Variants in MAP3K1 observed in about 807,000 individuals in gnomAD.
The protein encoded by MAP3K1 is MAP/ERK kinase kinase 1.
MAP3K1 carries 36 observed loss-of-function variants against 144.2 expected under a neutral mutation model. That is an observed-to-expected ratio of 0.25 (90% confidence interval 0.19 to 0.33). The LOEUF is 0.33. Ranked by LOEUF, MAP3K1 falls within the 10% of genes least tolerant of loss-of-function variation. The probability of loss-of-function intolerance (pLI) is 1.00; values close to 1 mark genes in which losing one functional copy is unlikely to be tolerated. For synonymous variants in MAP3K1, 718 were observed against 688.7 expected (o/e 1.04, Z -0.67); for missense variants, 1,650 against 1,881.9 (o/e 0.88, Z 2.28).
chr5:56,824,448 T>C (rs1399045976), intron 1 of MAP3K1, among the ~76,000 whole-genome samples: 1 of 152,194 alleles, frequency 6.6e-6, no homozygotes, highest in African/African-American at 2.4e-5. Flanking sequence ...GGGGTGGCGG[T>C]GTGAGTCCTG....
At chr5:56,817,106 GT>G in intron 1 of MAP3K1, 2 of 985,386 alleles carry the variant, frequency 2.0e-6, no homozygotes, top group Non-Finnish European at 2.4e-6. Flanking sequence ...ATGAAGTACA[GT>G]ATGTGTAAGG....
At chr5:56,850,081 C>T (rs907238469) in intron 1 of MAP3K1, among the ~76,000 whole-genome samples, 2 of 152,156 alleles carry the variant, frequency 1.3e-5, no homozygotes, top group Non-Finnish European at 2.9e-5. Flanking sequence ...TCTCCCTATC[C>T]TCAGTTTAAG....
At chr5:56,875,861 TCAA>T (rs1169534765) in intron 10 of MAP3K1, among the ~76,000 whole-genome samples, 14 of 152,304 alleles carry the variant, frequency 9.2e-5, no homozygotes, top group East Asian at 1.9e-4. Context: ...GGCAGAGTCA[TCAA>T]CGTTATTCTG....
Position 56,856,721 on chromosome 5 carries a change from T to C in MAP3K1, c.604T>C (p.Leu202=). 1 of 1,613,820 alleles carries C rather than the reference T, an allele frequency of 6.2e-7. No homozygotes were observed. The highest frequency in any genetic ancestry group is 1.3e-5 in the African/African-American group (1 of 74,954). The change falls in exon 2 of 20, where the codon TTG becomes CTG. Residue 202 remains leucine (L), a synonymous_variant. Transcript: ENST00000399503. The part of the protein sequence containing the change: ...TCMPAWKHEW[L]ERRNRRGPVV... ...TATGCCAGCCTGGAAGCACGAATGG[T>C]TGGAAAGGAGAAATAGGCGAGGGCC...
intron 1 of MAP3K1, among the ~76,000 whole-genome samples, chr5:56,841,283 G>A (rs769312638): frequency 9.9e-5 from 15 of 151,470 alleles, no homozygotes; most frequent in South Asian, 2.1e-4. Flanking sequence ...TTTCTCGAAT[G>A]TTCTGCTTGA....
chr5:56,865,361 A>G lies in MAP3K1; in HGVS notation c.1057A>G (p.Thr353Ala). 2 of 1,609,930 alleles carry G rather than the reference A, an allele frequency of 1.2e-6. No individual in the cohort carries two copies. Among genetic ancestry groups the G allele is most frequent in the Non-Finnish European group, 1.7e-6 (2 of 1,176,252 alleles). The change falls in exon 5 of 20, where the codon ACA (threonine) becomes GCA (alanine). Residue 353 changes from threonine (T) to alanine (A), a missense_variant. Physicochemically the swap from Thr to Ala is moderately conservative, Grantham distance 58. Coordinates refer to ENST00000399503, the MANE Select transcript of MAP3K1 (RefSeq NM_005921.2). ...TTAGAACTGCAGCTGTGCACGTGGA[A>G]CATTCTGTATTCATCTGCTATTTGT... is the stretch of plus-strand genomic sequence containing the variant. ...GPQNCSCARG[T>A]FCIHLLFVML...
intron 1 of MAP3K1, among the ~76,000 whole-genome samples, chr5:56,848,234 A>T (rs1233947623): frequency 6.6e-6 from 1 of 152,206 alleles, no homozygotes; most frequent in Non-Finnish European, 1.5e-5. Flanking sequence ...CTAATTTGGA[A>T]GTAATAAAAA....
Position 56,881,281 on chromosome 5 carries a change from T to C in MAP3K1, c.2369+9T>C. On this transcript the variant is annotated intron_variant, in intron 13 of 19. Coordinates refer to ENST00000399503, the MANE Select transcript of MAP3K1 (RefSeq NM_005921.2). ...GAGCCTGTTGAAATCAGGTAATTTT[T>C]CTTCTGAAAATGTATTACTTGTATC... is the stretch of plus-strand genomic sequence containing the variant. 2 of 1,609,274 alleles carry C rather than the reference T, an allele frequency of 1.2e-6. No homozygotes were observed. The highest frequency in any genetic ancestry group is 1.7e-5 in the Admixed American group (1 of 59,944).
chr5:56,874,623 TTTTG>T lies in MAP3K1; in HGVS notation c.1687-393_1687-390del, dbSNP rs200744456. Reference sequence around the variant, plus strand: ...CTCCTGGTGCTTTTTTTGATTTGTTTTTTGTTTGTTTGTTTGTTTTCTTAATCTT... The same window carrying T: ...CTCCTGGTGCTTTTTTTGATTTGTTTTTTGTTTGTTTGTTTTCTTAATCTT... On this transcript the variant is annotated intron_variant, in intron 9 of 19. Transcript: ENST00000399503. 7.1e-3 allele frequency among the ~76,000 whole-genome samples: 1,088 copies of T among 152,264 alleles called. 5 individuals are homozygous for T. Among genetic ancestry groups the T allele is most frequent in the Non-Finnish European group, 0.013 (905 of 68,014 alleles).
intron 1 of MAP3K1, chr5:56,817,013 T>G (rs1745997989): frequency 3.1e-6 from 3 of 974,400 alleles, no homozygotes; most frequent in Middle Eastern, 5.2e-4. Flanking sequence ...TGCTTCCTGC[T>G]CGGTGCCCTG....
intron 1 of MAP3K1, among the ~76,000 whole-genome samples, chr5:56,850,469 T>G (rs1225249758): frequency 6.6e-6 from 1 of 152,196 alleles, no homozygotes; most frequent in African/African-American, 2.4e-5. Flanking sequence ...ATGAAGAGAA[T>G]TAATATGCTT....
At chr5:56,866,301 G>A (rs528123063) in intron 6 of MAP3K1, among the ~76,000 whole-genome samples, 1 of 152,194 alleles carries the variant, frequency 6.6e-6, no homozygotes, top group South Asian at 2.1e-4. Context: ...CCAGTTACTC[G>A]AGAGGCCAAG....
At chr5:56,851,195 C>T (rs1239079245) in intron 1 of MAP3K1, among the ~76,000 whole-genome samples, 5 of 152,182 alleles carry the variant, frequency 3.3e-5, no homozygotes, top group Non-Finnish European at 5.9e-5. Context: ...ATCTGCCTGC[C>T]TCGGCCTCTC....
chr5:56,865,748 A>T, intron 5 of MAP3K1, 81 bp from the exon 6 acceptor site: 1 of 1,415,944 alleles, frequency 7.1e-7, no homozygotes, highest in South Asian at 1.2e-5. Flanking sequence ...CAAATTAAAG[A>T]TAAATAATTC....
chr5:56,878,853 A>G lies in MAP3K1; in HGVS notation c.1966-127A>G, dbSNP rs191517357. ...ATTATTACAGAAGCATGGAATTCTT[A>G]TTTTATTCTATGGGTTATAATCCAT... On this transcript the variant is annotated intron_variant, in intron 10 of 19. Coordinates refer to ENST00000399503, the MANE Select transcript of MAP3K1 (RefSeq NM_005921.2). 60 of 787,832 alleles carry G rather than the reference A, an allele frequency of 7.6e-5. 1 individual carries two copies. The highest frequency in any genetic ancestry group is 5.6e-4 in the East Asian group (21 of 37,688). 48.8% of individuals were successfully genotyped at this position (787,832 alleles called of 1,614,324 possible).
chr5:56,822,575 A>C (rs1042421239), intron 1 of MAP3K1, among the ~76,000 whole-genome samples: 1 of 152,104 alleles, frequency 6.6e-6, no homozygotes, highest in African/African-American at 2.4e-5. Flanking sequence ...GCCCATCTTC[A>C]TTCTCTTGAA....
At chr5:56,816,656 C>T (rs2111731858) in intron 1 of MAP3K1, among the ~76,000 whole-genome samples, 1 of 152,212 alleles carries the variant, frequency 6.6e-6, no homozygotes, top group Non-Finnish European at 1.5e-5. Flanking sequence ...ACGCAGGCGG[C>T]GCGCCCCCAG....
intron 9 of MAP3K1, among the ~76,000 whole-genome samples, chr5:56,873,224 A>G (rs927545425): frequency 2.0e-5 from 3 of 152,164 alleles, no homozygotes; most frequent in Admixed American, 6.5e-5. Flanking sequence ...TTCACTTCAC[A>G]TATCTAGAAA....
In MAP3K1 at chr5:56,870,206, G is replaced by C. The variant is rs1579765766; in HGVS notation, c.1302-1704G>C. 2.0e-5 allele frequency among the ~76,000 whole-genome samples: 3 copies of C among 152,206 alleles called. No homozygotes were observed. In the South Asian group the frequency reaches 6.2e-4, roughly 32 times the overall value. ...TTTAAGATAGTAGAAGTGCAATATT[G>C]GGCCTAGCTTAGCAGACTCTGAAAT... On this transcript the variant is annotated intron_variant, in intron 6 of 19. Coordinates refer to ENST00000399503, the MANE Select transcript of MAP3K1 (RefSeq NM_005921.2).
Sources: allele counts gnomAD v4.1 joint callset (sites outside exome capture counted in the v4.1 genomes callset), GRCh38; gene constraint gnomAD v4.1.1; transcripts MANE v1.5; gene names NCBI Gene and HGNC (gene_info 2026-07-23, HGNC 2026-07-21).